Variants in PRMT8 observed in about 807,000 individuals in gnomAD.
PRMT8 encodes protein arginine N-methyltransferase 8.
A neutral mutation model predicts 47.1 loss-of-function variants in PRMT8; 7 were observed. The ratio of observed to expected loss-of-function variants is 0.15; its 90% CI spans 0.08 to 0.28. PRMT8 has a LOEUF of 0.28. Among genes scored for constraint, PRMT8 ranks in the 10% least tolerant of loss-of-function variants. The pLI is 1.00. For missense variants in PRMT8, 237 were observed against 505.4 expected, an observed-to-expected ratio of 0.47 and a Z score of 5.09; for synonymous variants, 188 against 186.5, an observed-to-expected ratio of 1.01 and a Z score of -0.07.
chr12:3,505,777 C>G (rs989038604), intron 1 of PRMT8, among the ~76,000 whole-genome samples: 2 of 152,140 alleles, frequency 1.3e-5, no homozygotes, highest in Non-Finnish European at 2.9e-5. Context: ...TTGTCCTAAC[C>G]TTTGCTCCAC....
chr12:3,388,732 G>A (rs2137044495), intron 1 of PRMT8, among the ~76,000 whole-genome samples: 1 of 152,190 alleles, frequency 6.6e-6, no homozygotes, highest in African/African-American at 2.4e-5. Flanking sequence ...TAAAGCCTGT[G>A]CTCTACCTAC....
chr12:3,492,815 GAC>G lies in PRMT8; in HGVS notation c.75+1119_75+1120del, dbSNP rs1865444097. Among the ~76,000 whole-genome samples, 2 of 152,068 alleles carry G rather than the reference GAC, an allele frequency of 1.3e-5. No individual in the cohort carries two copies. Among genetic ancestry groups the G allele is most frequent in the Non-Finnish European group, 2.9e-5 (2 of 68,004 alleles). On this transcript the variant is annotated intron_variant, in intron 1 of 9. Coordinates refer to ENST00000382622, the MANE Select transcript of PRMT8 (RefSeq NM_019854.5). The surrounding 1 kb of genome is among the most constrained non-coding windows in gnomAD (Gnocchi z 7.5). ...ATCCCTTACTCAGTGGCAGGAAAAA[GAC>G]ACAGAGAGCAAACTCCCAGGCTCTA...
chr12:3,487,156 G>GCA (rs2137105867), upstream of PRMT8, among the ~76,000 whole-genome samples: 2 of 152,320 alleles, frequency 1.3e-5, no homozygotes, highest in South Asian at 4.1e-4. Flanking sequence ...GCCATGAGGT[G>GCA]GTGATGGATC....
chr12:3,582,272 C>A (rs568039211), intron 7 of PRMT8, among the ~76,000 whole-genome samples: 2 of 152,220 alleles, frequency 1.3e-5, no homozygotes, highest in Non-Finnish European at 2.9e-5. Context: ...GCTCCCCATG[C>A]GAGATTGATT....
At chr12:3,542,146 C>G (rs892645453) in intron 2 of PRMT8, among the ~76,000 whole-genome samples, 2 of 152,098 alleles carry the variant, frequency 1.3e-5, no homozygotes, top group African/African-American at 4.8e-5. Context: ...GGAAGGAGGC[C>G]CCCCAGTTAC....
intron 2 of PRMT8, 67 bp downstream of exon 2, chr12:3,540,858 C>T (rs1374315599): frequency 6.0e-6 from 9 of 1,498,270 alleles, no homozygotes; most frequent in African/African-American, 1.4e-5. Flanking sequence ...TTTTCAGAGG[C>T]AGCATAGTGT....
rs1363572423 is a variant in PRMT8 at position 3,456,746 on chromosome 12, A to T, written c.48+75304A>T. On this transcript the variant is annotated intron_variant, in intron 1 of 9. Coordinates refer to the PRMT8 transcript ENST00000452611. The surrounding 1 kb of genome is among the most constrained non-coding windows in gnomAD (Gnocchi z 4.2). ...GTGAGAAGGGGCCAACGCCCGGAGCAGCCACCGTTTCTTACACCCTTGACT... is the reference window on the plus strand; with the variant it reads ...GTGAGAAGGGGCCAACGCCCGGAGCTGCCACCGTTTCTTACACCCTTGACT... Among the ~76,000 whole-genome samples, 1 of 152,200 alleles carries T rather than the reference A, an allele frequency of 6.6e-6. No homozygotes were observed. The highest frequency in any genetic ancestry group is 1.5e-5 in the Non-Finnish European group (1 of 68,036).
At chr12:3,474,524 G>C (rs562081590) in intron 1 of PRMT8, among the ~76,000 whole-genome samples, 4 of 152,178 alleles carry the variant, frequency 2.6e-5, no homozygotes, top group South Asian at 2.1e-4. Flanking sequence ...ATCCTGAGGG[G>C]CTTGTCCTCC....
At chr12:3,422,976 G>A (rs1015432961) in intron 1 of PRMT8, among the ~76,000 whole-genome samples, 2 of 152,234 alleles carry the variant, frequency 1.3e-5, no homozygotes, top group Admixed American at 1.3e-4. Context: ...AACTAAGGTA[G>A]CGATGAAGCT....
rs187040334 is a variant in PRMT8, at chr12:3,398,360, A to G, written c.48+16918A>G. ...TTGCAACCTGTGAGGACAGTGGAGA[A>G]CGCCAAAAATGGTGCTGTGTATGGG... On this transcript the variant is annotated intron_variant, in intron 1 of 9. Coordinates refer to the PRMT8 transcript ENST00000452611. Among the ~76,000 whole-genome samples, 541 of 152,310 alleles carry G rather than the reference A, an allele frequency of 3.6e-3. 6 individuals are homozygous for G. The highest frequency in any genetic ancestry group is 0.012 in the African/African-American group (519 of 41,568).
At chr12:3,491,783 G>C in intron 1 of PRMT8, 83 bp downstream of exon 1, 1 of 1,523,578 alleles carries the variant, frequency 6.6e-7, no homozygotes, top group Non-Finnish European at 8.8e-7. Context: ...TCAGCGCCGA[G>C]TGCCAAACTT....
chr12:3,511,176 G>A (rs780827261), intron 1 of PRMT8, among the ~76,000 whole-genome samples: 6 of 152,188 alleles, frequency 3.9e-5, no homozygotes, highest in African/African-American at 9.7e-5. Context: ...GGGGCCTCCA[G>A]GGTAGCTCCA....
At chr12:3,498,864 G>C (rs759658511) in intron 1 of PRMT8, among the ~76,000 whole-genome samples, 12 of 152,202 alleles carry the variant, frequency 7.9e-5, no homozygotes, top group Non-Finnish European at 1.2e-4. Flanking sequence ...TTCTTCCACA[G>C]TTCTGGAAGC....
chr12:3,426,888 C>T (rs1313969560), intron 1 of PRMT8, among the ~76,000 whole-genome samples: 1 of 151,960 alleles, frequency 6.6e-6, no homozygotes, highest in Non-Finnish European at 1.5e-5. Flanking sequence ...TAGGGTCCTT[C>T]CCAGGCTGGC....
intron 1 of PRMT8, among the ~76,000 whole-genome samples, chr12:3,417,222 GA>G (rs1367102721): frequency 6.6e-6 from 1 of 152,208 alleles, no homozygotes; most frequent in Non-Finnish European, 1.5e-5. Flanking sequence ...TTATTTGGGG[GA>G]AAGGATTTGG....
intron 1 of PRMT8, among the ~76,000 whole-genome samples, chr12:3,525,214 T>C (rs1865935154): frequency 6.6e-6 from 1 of 151,800 alleles, no homozygotes; most frequent in Admixed American, 6.5e-5. Flanking sequence ...AGAGTGAGAC[T>C]CTGTCTCAAA....
At position 3,529,153 on chromosome 12, in the gene PRMT8, C is replaced by G. The variant is rs79643516; in HGVS notation, c.76-11453C>G. Among the ~76,000 whole-genome samples the G allele has an allele frequency of 1.1e-3, 165 of 152,314 alleles. 3 individuals are homozygous for G. The East Asian group carries it at 0.03, about 27-fold the overall frequency. On this transcript the variant is annotated intron_variant, in intron 1 of 9. Coordinates refer to ENST00000382622, the MANE Select transcript of PRMT8 (RefSeq NM_019854.5). ...AATCTACAAGACTCTGCATTGCAAA[C>G]TTTATCTGTCTTGCTGTCCCCAGAT...
chr12:3,452,520 G>T (rs1864930764), intron 1 of PRMT8, among the ~76,000 whole-genome samples: 2 of 152,196 alleles, frequency 1.3e-5, no homozygotes, highest in South Asian at 2.1e-4. Flanking sequence ...TGGGCTGGGG[G>T]ATCACCTGTC....
At chr12:3,431,328 G>A (rs1318838937) in intron 1 of PRMT8, among the ~76,000 whole-genome samples, 1 of 152,182 alleles carries the variant, frequency 6.6e-6, no homozygotes, top group Non-Finnish European at 1.5e-5. Context: ...CAGTAGCAGA[G>A]AGGGCACCAA....
Sources: gnomAD v4.1 joint callset for allele counts (sites outside exome capture counted in the v4.1 genomes callset) on GRCh38, gnomAD v4.1.1 for gene constraint, Gnocchi (gnomAD v3.1) non-coding constraint, MANE v1.5 for transcripts, NCBI Gene and HGNC (gene_info 2026-07-23, HGNC 2026-07-21) for gene names.